The following STAC variants were observed in gnomAD, a reference collection of about 807,000 sequenced individuals.
The protein encoded by STAC is SH3 and cysteine rich domain.
A neutral mutation model predicts 48.8 loss-of-function variants in STAC; 43 were observed. That is an observed-to-expected ratio of 0.88 (90% CI 0.69 to 1.14). The LOEUF (loss-of-function observed/expected upper bound fraction) is 1.14. STAC is among the 50% of genes most tolerant of loss of function. The pLI is 0.00. For synonymous variants in STAC, 193 were observed against 179.5 expected (o/e 1.07, Z -0.60); for missense variants, 497 against 504.0 (o/e 0.99, Z 0.13).
At position 36,488,098 on chromosome 3, in the gene STAC, A is replaced by G. The variant is rs528307290; in HGVS notation, c.687+1849A>G. Among the ~76,000 whole-genome samples, 5 of 152,286 alleles carry G rather than the reference A, an allele frequency of 3.3e-5. No homozygotes were observed. In the South Asian group the frequency reaches 1.0e-3, roughly 32 times the overall value. On this transcript the variant is annotated intron_variant, in intron 5 of 10. Coordinates refer to ENST00000273183, the MANE Select transcript of STAC (RefSeq NM_003149.3). ...TTGTTACTGTTCTATATTTTAATTCATTTAAAAATATTTTTTGAGAGATGG... is the reference window on the plus strand; with the variant it reads ...TTGTTACTGTTCTATATTTTAATTCGTTTAAAAATATTTTTTGAGAGATGG...
intron 1 of STAC, among the ~76,000 whole-genome samples, chr3:36,413,620 CTT>C (rs952882438): frequency 3.3e-4 from 51 of 152,246 alleles, no homozygotes; most frequent in African/African-American, 1.1e-3. Context: ...GGTCTTGACT[CTT>C]TATCCAATTT....
In STAC at chr3:36,526,449, G is replaced by A. The variant is rs780055403; in HGVS notation, c.921-2247G>A. On this transcript the variant is annotated intron_variant, in intron 8 of 10. Transcript: ENST00000273183. ...CATCATGTGCTTTGCATGTTTCCAC[G>A]CACTGCTCCTGAACTTTGATCATTG... 9.9e-5 allele frequency among the ~76,000 whole-genome samples: 15 copies of A among 152,212 alleles called. No individual in the cohort carries two copies. The East Asian group carries it at 2.5e-3, about 25-fold the overall frequency.
At chr3:36,537,247 T>C (rs570933102) in intron 10 of STAC, among the ~76,000 whole-genome samples, 1 of 152,330 alleles carries the variant, frequency 6.6e-6, no homozygotes, top group South Asian at 2.1e-4. Flanking sequence ...TGCATGCATA[T>C]GTTCATTGCA....
chr3:36,464,570 G>A (rs528260876), intron 2 of STAC, among the ~76,000 whole-genome samples: 9 of 152,028 alleles, frequency 5.9e-5, no homozygotes, highest in South Asian at 2.1e-4. Context: ...CCAATGTGCC[G>A]TCCTTTATCC....
chr3:36,541,876 G>T (rs1699336003), intron 10 of STAC, among the ~76,000 whole-genome samples: 1 of 152,182 alleles, frequency 6.6e-6, no homozygotes, highest in Non-Finnish European at 1.5e-5. Context: ...GGGACATCCA[G>T]CTTACCACTG....
chr3:36,475,010 T>TGCGC lies in STAC; in HGVS notation c.389-7975_389-7972dup, dbSNP rs556802464. 3.8e-3 allele frequency among the ~76,000 whole-genome samples: 574 copies of TGCGC among 152,280 alleles called. 6 individuals carry two copies. The highest frequency in any genetic ancestry group is 0.013 in the African/African-American group (532 of 41,552). On this transcript the variant is annotated intron_variant, in intron 2 of 10. Transcript: ENST00000273183. ...ATGGCTTTTCTCGTGTGTGTGTGTG[T>TGCGC]GCGCGCGCGCACGCATGTGTGTTTG...
chr3:36,419,394 AC>A (rs34421932), intron 1 of STAC, among the ~76,000 whole-genome samples: 1 of 152,114 alleles, frequency 6.6e-6, no homozygotes, highest in Non-Finnish European at 1.5e-5. Context: ...CCTCTCCTTC[AC>A]CCCCTAAAGG....
At chr3:36,472,618 T>C (rs1172653589) in intron 2 of STAC, among the ~76,000 whole-genome samples, 3 of 152,222 alleles carry the variant, frequency 2.0e-5, no homozygotes, top group Admixed American at 1.3e-4. Flanking sequence ...CTAAATCATC[T>C]TTCTCAAGCT....
At position 36,505,597 on chromosome 3, in the gene STAC, C is replaced by A. The variant is rs112973982; in HGVS notation, c.832-149C>A. 350 of 512,448 alleles carry A rather than the reference C, an allele frequency of 6.8e-4. 1 individual carries two copies. Among genetic ancestry groups the A allele is most frequent in the African/African-American group, 6.3e-3 (312 of 49,462 alleles). 31.7% of individuals were successfully genotyped at this position (512,448 alleles called of 1,614,324 possible). A position where few individuals can be genotyped will look rare whatever the true frequency, so the allele number is the denominator to read the frequency against. On this transcript the variant is annotated intron_variant, in intron 7 of 10. Transcript: ENST00000273183. ...AAATTAAAAATAAATGCAAAGTTGA[C>A]AGAAAATCTTTAATAATGGTTAGAT...
intron 6 of STAC, among the ~76,000 whole-genome samples, chr3:36,502,150 T>A (rs1319448807): frequency 1.3e-5 from 2 of 152,100 alleles, no homozygotes; most frequent in Non-Finnish European, 2.9e-5. Context: ...AGAAAGTTCT[T>A]TGGGGATGTG....
Position 36,457,258 on chromosome 3 carries a change from G to C in STAC, c.388+13618G>C, listed in dbSNP as rs150483079. On this transcript the variant is annotated intron_variant, in intron 2 of 10. Coordinates refer to ENST00000273183, the MANE Select transcript of STAC (RefSeq NM_003149.3). ...GAGAGAGGCAGGATCATGCCAAGGA[G>C]TCAGAGGGTTGGTGGATCAAGTGGT... 3.0e-4 allele frequency among the ~76,000 whole-genome samples: 45 copies of C among 152,290 alleles called. No homozygotes were observed. The East Asian group carries it at 6.2e-3, about 21-fold the overall frequency.
intron 2 of STAC, among the ~76,000 whole-genome samples, chr3:36,447,434 T>C (rs182846462): frequency 1.9e-4 from 29 of 152,294 alleles, no homozygotes; most frequent in African/African-American, 6.5e-4. Flanking sequence ...CAGATGAACC[T>C]TGCAATTGCT....
chr3:36,477,335 G>T (rs1489881567), intron 2 of STAC, among the ~76,000 whole-genome samples: 1 of 152,026 alleles, frequency 6.6e-6, no homozygotes, highest in African/African-American at 2.4e-5. Flanking sequence ...AATCTCAATA[G>T]TAAATCACCA....
chr3:36,500,591 A>G (rs1698259169), intron 6 of STAC, among the ~76,000 whole-genome samples: 1 of 152,188 alleles, frequency 6.6e-6, no homozygotes. Context: ...CCCCAGAATT[A>G]AAATTAAAAT....
At chr3:36,506,085 T>C (rs539404556) in intron 8 of STAC, 1 of 304,164 alleles carries the variant, frequency 3.3e-6, no homozygotes, top group Admixed American at 4.8e-5. Flanking sequence ...CTGACAATGC[T>C]GTCCAAGGAA....
rs150543122 is a variant in STAC at position 36,531,830 on chromosome 3, A to G, written c.1110+2845A>G. ...TTGGAGAAGTGAGGAGAGACCTAGG[A>G]GAGAGGGCAGATATCTTCAAATATT... is the stretch of plus-strand genomic sequence containing the variant. On this transcript the variant is annotated intron_variant, in intron 10 of 10. Coordinates refer to ENST00000273183, the MANE Select transcript of STAC (RefSeq NM_003149.3). Among the ~76,000 whole-genome samples the G allele has an allele frequency of 3.3e-5, 5 of 152,292 alleles. No homozygotes were observed. The East Asian group carries it at 9.6e-4, about 29-fold the overall frequency.
At chr3:36,389,637 T>A (rs28495659) in intron 1 of STAC, among the ~76,000 whole-genome samples, 36,594 of 152,090 alleles carry the variant, frequency 0.24, 5,495 homozygotes, top group African/African-American at 0.43. Context: ...AATTTTATAA[T>A]CTAAAATCAT....
chr3:36,386,336 G>C (rs1402501288), intron 1 of STAC, among the ~76,000 whole-genome samples: 1 of 151,110 alleles, frequency 6.6e-6, no homozygotes, highest in Non-Finnish European at 1.5e-5. Context: ...TAATTTGTAG[G>C]GGTTCTTCTC....
At chr3:36,534,064 G>A (rs982172559) in intron 10 of STAC, among the ~76,000 whole-genome samples, 6 of 152,098 alleles carry the variant, frequency 3.9e-5, no homozygotes, top group Admixed American at 1.3e-4. Context: ...CTCCACTTTA[G>A]TGTCCTAAGT....
Sources: allele counts gnomAD v4.1 joint callset (sites outside exome capture counted in the v4.1 genomes callset), GRCh38; gene constraint gnomAD v4.1.1; transcripts MANE v1.5; gene names NCBI Gene and HGNC (gene_info 2026-07-23, HGNC 2026-07-21).